Variants in PRKN observed in about 807,000 individuals in gnomAD.
The protein encoded by PRKN is E3 ubiquitin-protein ligase parkin.
A neutral mutation model predicts 59.5 loss-of-function variants in PRKN; 56 were observed. That is an observed-to-expected ratio of 0.94 (90% CI 0.76 to 1.18). PRKN has a LOEUF of 1.18. Ranked by LOEUF, PRKN falls within the 50% of genes most tolerant of loss-of-function variation. The pLI is 0.00. For synonymous variants in PRKN, 250 were observed against 222.1 expected (o/e 1.13, Z -1.12); for missense variants, 657 against 596.4 (o/e 1.10, Z -1.06).
At chr6:161,861,557 C>G (rs1036218722) in intron 6 of PRKN, among the ~76,000 whole-genome samples, 1 of 150,462 alleles carries the variant, frequency 6.6e-6, no homozygotes, top group Admixed American at 6.6e-5. Context: ...CAAACCTGCA[C>G]GTTCTGCACA....
At chr6:162,195,147 G>A (rs1784440166) in intron 4 of PRKN, among the ~76,000 whole-genome samples, 1 of 152,200 alleles carries the variant, frequency 6.6e-6, no homozygotes, top group South Asian at 2.1e-4. Context: ...AGAATGCATG[G>A]TGGCCGGTTC....
At chr6:161,760,844 G>A (rs1370845258) in intron 7 of PRKN, among the ~76,000 whole-genome samples, 1 of 152,174 alleles carries the variant, frequency 6.6e-6, no homozygotes, top group Non-Finnish European at 1.5e-5. Context: ...TAATATTTGT[G>A]CGTTTTCAGC....
At chr6:162,263,044 T>C (rs1779963735) in intron 2 of PRKN, among the ~76,000 whole-genome samples, 2 of 152,082 alleles carry the variant, frequency 1.3e-5, no homozygotes. Flanking sequence ...GAAAAAATAA[T>C]TACCAAACTG....
At chr6:162,541,604 G>T (rs188155263) in intron 1 of PRKN, among the ~76,000 whole-genome samples, 14 of 152,298 alleles carry the variant, frequency 9.2e-5, no homozygotes, top group Admixed American at 9.2e-4. Context: ...AGATTTCTTA[G>T]TTTGCAGGTA....
intron 3 of PRKN, among the ~76,000 whole-genome samples, chr6:162,205,003 C>T (rs932675395): frequency 1.3e-5 from 2 of 152,050 alleles, no homozygotes; most frequent in African/African-American, 4.8e-5. Context: ...GCTGGAACTA[C>T]AGGCGTGCAC....
chr6:161,494,338 T>C (rs1436545591), intron 9 of PRKN, among the ~76,000 whole-genome samples: 1 of 152,148 alleles, frequency 6.6e-6, no homozygotes, highest in Non-Finnish European at 1.5e-5. Flanking sequence ...CTTCAAAGCC[T>C]CAACAAAAAT....
At chr6:161,876,312 C>T (rs73603179) in intron 6 of PRKN, among the ~76,000 whole-genome samples, 6,915 of 152,002 alleles carry the variant, frequency 0.045, 525 homozygotes, top group African/African-American at 0.16. Flanking sequence ...TTTTACTCAT[C>T]GTTACTTTTC....
intron 1 of PRKN, among the ~76,000 whole-genome samples, chr6:162,617,588 CTAG>C (rs1782483475): frequency 1.6e-4 from 4 of 24,560 alleles, no homozygotes; most frequent in Non-Finnish European, 3.1e-4. Flanking sequence ...TTCTGTCTAG[CTAG>C]CTAGAACTTT....
intron 9 of PRKN, among the ~76,000 whole-genome samples, chr6:161,476,667 A>G (rs1036957749): frequency 1.3e-5 from 2 of 152,238 alleles, no homozygotes; most frequent in African/African-American, 4.8e-5. Context: ...CGGGAGGCAG[A>G]AGACCCACCG....
At chr6:161,494,351 T>C (rs967824586) in intron 9 of PRKN, among the ~76,000 whole-genome samples, 1 of 152,150 alleles carries the variant, frequency 6.6e-6, no homozygotes, top group Non-Finnish European at 1.5e-5. Flanking sequence ...ACAAAAATGT[T>C]CTCCATCACC....
chr6:161,500,662 C>G (rs936530124), intron 9 of PRKN, among the ~76,000 whole-genome samples: 2 of 152,138 alleles, frequency 1.3e-5, no homozygotes, highest in African/African-American at 4.8e-5. Flanking sequence ...GGAATAATAT[C>G]TCACTGTCTG....
Position 162,010,715 on chromosome 6 carries a change from T to C in PRKN, c.619-37298A>G, listed in dbSNP as rs1782550353. 4.8e-4 allele frequency among the ~76,000 whole-genome samples: 2 copies of C among 4,152 alleles called. 1 individual carries two copies. The highest frequency in any genetic ancestry group is 0.017 in the Admixed American group (2 of 116). The allele number at this position is 4,152 out of a possible 152,430, so 2.7% of individuals were successfully genotyped here. A position where few individuals can be genotyped will look rare whatever the true frequency, so the allele number is the denominator to read the frequency against. On this transcript the variant is annotated intron_variant, in intron 5 of 11. Transcript: ENST00000366898. ...ATATTATATTATATATATTATATTA[T>C]ATATAATACATATTATATAATATAT... is the stretch of plus-strand genomic sequence containing the variant.
intron 4 of PRKN, among the ~76,000 whole-genome samples, chr6:162,131,279 A>G (rs1350508466): frequency 2.0e-5 from 3 of 152,220 alleles, no homozygotes; most frequent in Non-Finnish European, 4.4e-5. Flanking sequence ...TTCAAGTGAG[A>G]AACTTTTCAC....
intron 7 of PRKN, among the ~76,000 whole-genome samples, chr6:161,769,115 T>G (rs1197314259): frequency 6.6e-6 from 1 of 152,246 alleles, no homozygotes; most frequent in Non-Finnish European, 1.5e-5. Context: ...TAATTATTCC[T>G]ATATCAAAGT....
rs1328580299 is a variant in PRKN, at chr6:161,373,281, C to T, written c.1168-13076G>A. Reference sequence around the variant, plus strand: ...TACCTTCACAGCGACACCTTGACTACTGCTGGTTCCAACAACTGGGCTGTG... The same window carrying T: ...TACCTTCACAGCGACACCTTGACTATTGCTGGTTCCAACAACTGGGCTGTG... On this transcript the variant is annotated intron_variant, in intron 10 of 11. Transcript: ENST00000366898. This position sits in a 1 kb window ranked among gnomAD's most constrained non-coding sequence, Gnocchi z 4.8. Among the ~76,000 whole-genome samples the T allele has an allele frequency of 6.6e-6, 1 of 152,204 alleles. No individual in the cohort carries two copies. The highest frequency in any genetic ancestry group is 1.5e-5 in the Non-Finnish European group (1 of 68,042).
chr6:161,599,436 C>T (rs1258670724), intron 7 of PRKN, among the ~76,000 whole-genome samples: 2 of 152,088 alleles, frequency 1.3e-5, no homozygotes, highest in Non-Finnish European at 2.9e-5. Context: ...TGCCACTTAA[C>T]CTAACCAAAA....
chr6:161,771,781 C>T (rs377270576), intron 7 of PRKN, among the ~76,000 whole-genome samples: 4 of 152,286 alleles, frequency 2.6e-5, no homozygotes, highest in Middle Eastern at 3.4e-3. Flanking sequence ...TATTAAGCCA[C>T]TCCTCCTCTT....
intron 1 of PRKN, among the ~76,000 whole-genome samples, chr6:162,546,354 C>T (rs1240631508): frequency 1.3e-5 from 2 of 152,008 alleles, no homozygotes; most frequent in East Asian, 1.9e-4. Context: ...CCGCCTGCCT[C>T]GGTCTCCCAA....
rs12213397 is a variant in PRKN at position 161,376,658 on chromosome 6, G to T, written c.1167+10136C>A. The stretch of plus-strand genomic sequence containing the variant: ...CACACCGTCACATCACGGCGATAGG[G>T]CAGCTCACGCCCAGTGGTGGAGGGT... On this transcript the variant is annotated intron_variant, in intron 10 of 11. Transcript: ENST00000366898. This position sits in a 1 kb window ranked among gnomAD's most constrained non-coding sequence, Gnocchi z 7.3. Among the ~76,000 whole-genome samples the T allele has an allele frequency of 0.066, 10,018 of 152,186 alleles. 389 individuals carry two copies. Among genetic ancestry groups the T allele is most frequent in the Non-Finnish European group, 0.091 (6,180 of 67,990 alleles).
Sources: allele counts gnomAD v4.1 joint callset (sites outside exome capture counted in the v4.1 genomes callset), GRCh38; gene constraint gnomAD v4.1.1; non-coding constraint Gnocchi (gnomAD v3.1); transcripts MANE v1.5; gene names NCBI Gene and HGNC (gene_info 2026-07-23, HGNC 2026-07-21).